PDE11A: variants seen among roughly 807,000 people sequenced by gnomAD.
PDE11A encodes dual 3',5'-cyclic-AMP and -GMP phosphodiesterase 11A.
Under a neutral mutation model 100.5 loss-of-function variants are expected in PDE11A, and 100 were observed. The ratio of observed to expected loss-of-function variants is 1.00; its 90% confidence interval spans 0.85 to 1.18. PDE11A has a LOEUF of 1.18. Among genes scored for constraint, PDE11A ranks in the 50% most tolerant of loss-of-function variants. The pLI, the probability that PDE11A is intolerant of heterozygous loss-of-function variation, is 0.00. For synonymous variants in PDE11A, 381 were observed against 420.8 expected (o/e 0.91, Z 1.16); for missense variants, 1,141 against 1,152.6 (o/e 0.99, Z 0.15).
chr2:177,818,061 C>A, intron 7 of PDE11A, 136 bp from the exon 8 acceptor site: 1 of 666,138 alleles, frequency 1.5e-6, no homozygotes. Flanking sequence ...CAAGTGCCTG[C>A]CGATTTCATG....
chr2:177,683,254 T>A (rs998898446), intron 15 of PDE11A: 3 of 152,220 alleles, frequency 2.0e-5, no homozygotes, highest in Admixed American at 1.3e-4. Flanking sequence ...GTCAAGGCCA[T>A]ACTACATACA....
intron 12 of PDE11A, among the ~76,000 whole-genome samples, chr2:177,723,539 C>A (rs918699519): frequency 6.6e-6 from 1 of 152,144 alleles, no homozygotes; most frequent in African/African-American, 2.4e-5. Flanking sequence ...TGAACCCTAG[C>A]TGAACCTTAG....
chr2:177,672,166 A>T lies in PDE11A; in HGVS notation c.2488-2599T>A, dbSNP rs184427572. ...CCCACATGGGAAAGGGGAGGGGGTA[A>T]GATGAACAGTGGGCAGAGATGTGGA... On this transcript the variant is annotated intron_variant, in intron 17 of 19. Coordinates refer to ENST00000286063, the MANE Select transcript of PDE11A (RefSeq NM_016953.4). Among the ~76,000 whole-genome samples, 419 of 152,314 alleles carry T rather than the reference A, an allele frequency of 2.8e-3. 1 individual carries two copies. The highest frequency in any genetic ancestry group is 0.01 in the Middle Eastern group (3 of 294).
chr2:177,780,065 G>C (rs1323584291), intron 9 of PDE11A, among the ~76,000 whole-genome samples: 1 of 152,174 alleles, frequency 6.6e-6, no homozygotes, highest in Non-Finnish European at 1.5e-5. Flanking sequence ...CTCCACCGGA[G>C]TGTTTGGGTG....
chr2:177,879,930 G>T (rs1322893045), intron 4 of PDE11A, among the ~76,000 whole-genome samples: 1 of 152,164 alleles, frequency 6.6e-6, no homozygotes, highest in Non-Finnish European at 1.5e-5. Context: ...AAGAAAAATA[G>T]GGACAAAACT....
intron 1 of PDE11A, among the ~76,000 whole-genome samples, chr2:178,023,869 G>T (rs530975291): frequency 2.6e-5 from 4 of 152,224 alleles, no homozygotes; most frequent in African/African-American, 9.6e-5. Flanking sequence ...GAGAGAAAAG[G>T]TGAAATAAGA....
At chr2:178,012,679 G>A (rs1298101679) in intron 2 of PDE11A, among the ~76,000 whole-genome samples, 1 of 152,118 alleles carries the variant, frequency 6.6e-6, no homozygotes, top group Non-Finnish European at 1.5e-5. Flanking sequence ...TATCTCACAG[G>A]TACAAGTCCA....
intron 1 of PDE11A, among the ~76,000 whole-genome samples, chr2:178,041,336 C>A (rs538615651): frequency 3.3e-5 from 5 of 151,596 alleles, no homozygotes; most frequent in African/African-American, 1.2e-4. Flanking sequence ...CTCTGCCTCC[C>A]GGGTTCAAGC....
intron 12 of PDE11A, among the ~76,000 whole-genome samples, chr2:177,714,284 C>T (rs62183001): frequency 0.18 from 27,561 of 152,176 alleles, 2,678 homozygotes; most frequent in Non-Finnish European, 0.22. Context: ...TGAGCCACTA[C>T]GCCCAGCCCC....
chr2:177,670,858 C>G (rs1202293200), intron 17 of PDE11A, among the ~76,000 whole-genome samples: 1 of 88,944 alleles, frequency 1.1e-5, no homozygotes, highest in East Asian at 4.5e-4. Context: ...TGTTAAGAAA[C>G]ATGGGCCCCT....
chr2:177,682,735 G>A (rs2105508892), intron 15 of PDE11A, among the ~76,000 whole-genome samples: 1 of 119,082 alleles, frequency 8.4e-6, no homozygotes, highest in East Asian at 2.9e-4. Flanking sequence ...AGATGTTCCT[G>A]CCAAGTAGGT....
At chr2:178,075,955 A>T (rs574904298), upstream of PDE11A, among the ~76,000 whole-genome samples, 1 of 152,150 alleles carries the variant, frequency 6.6e-6, no homozygotes, top group African/African-American at 2.4e-5. Flanking sequence ...TGTAATTCTG[A>T]CCTCTTCTGC....
At chr2:177,756,170 C>T (rs1472749978) in intron 10 of PDE11A, among the ~76,000 whole-genome samples, 4 of 152,156 alleles carry the variant, frequency 2.6e-5, no homozygotes, top group Admixed American at 2.0e-4. Flanking sequence ...CTTGTTTGCA[C>T]CCCAGGTCAG....
intron 18 of PDE11A, among the ~76,000 whole-genome samples, chr2:177,665,928 TA>T (rs1440513711): frequency 6.6e-6 from 1 of 152,218 alleles, no homozygotes; most frequent in Admixed American, 6.5e-5. Flanking sequence ...TTTATTTAAT[TA>T]TTCCATTTCT....
chr2:177,853,817 T>G (rs1167554476), intron 5 of PDE11A, among the ~76,000 whole-genome samples: 1 of 143,736 alleles, frequency 7.0e-6, no homozygotes, highest in Non-Finnish European at 1.5e-5. Context: ...TGCATATATG[T>G]ATATATATGT....
At chr2:177,838,856 C>T (rs1370661) in intron 6 of PDE11A, among the ~76,000 whole-genome samples, 80,937 of 152,038 alleles carry the variant, frequency 0.53, 23,998 homozygotes, top group East Asian at 0.73. Context: ...GAACTGTGAA[C>T]TTTCCCAAGG....
chr2:177,901,088 C>T (rs1178467937), intron 3 of PDE11A, among the ~76,000 whole-genome samples: 1 of 152,146 alleles, frequency 6.6e-6, no homozygotes, highest in Non-Finnish European at 1.5e-5. Flanking sequence ...GAAGGACTAA[C>T]AAATTAGCCA....
At chr2:177,908,395 A>T (rs2084824320) in intron 2 of PDE11A, among the ~76,000 whole-genome samples, 2 of 152,194 alleles carry the variant, frequency 1.3e-5, no homozygotes, top group Admixed American at 6.5e-5. Context: ...ACTGATAGGC[A>T]TCAGAGTGTG....
chr2:177,905,731 G>C (rs2084776076), intron 2 of PDE11A, among the ~76,000 whole-genome samples: 1 of 152,206 alleles, frequency 6.6e-6, no homozygotes, highest in Non-Finnish European at 1.5e-5. Flanking sequence ...GTGGGAACTA[G>C]GGGTCAGCAG....
Sources: gnomAD v4.1 joint callset for allele counts (sites outside exome capture counted in the v4.1 genomes callset) on GRCh38, gnomAD v4.1.1 for gene constraint, MANE v1.5 for transcripts, NCBI Gene and HGNC (gene_info 2026-07-23, HGNC 2026-07-21) for gene names.